The following PCDHGA5 variants were observed in gnomAD, a reference collection of about 807,000 sequenced individuals.
PCDHGA5 encodes protocadherin gamma-A5.
A neutral mutation model predicts 56.7 loss-of-function variants in PCDHGA5; 36 were observed. The ratio of observed to expected loss-of-function variants is 0.64; its 90% CI spans 0.49 to 0.84. The LOEUF (loss-of-function observed/expected upper bound fraction) is 0.84, where lower values mean the gene tolerates loss of function less well. Ranked by LOEUF, PCDHGA5 falls within the 40% of genes least tolerant of loss-of-function variation. The probability of loss-of-function intolerance (pLI) is 0.00; values close to 1 mark genes in which losing one functional copy is unlikely to be tolerated. For missense variants in PCDHGA5, 1,305 were observed against 1,201.5 expected (o/e 1.09, Z -1.27); for synonymous variants, 563 against 520.2 (o/e 1.08, Z -1.12).
chr5:141,374,934 T>C (rs1296373171), intron 1 of PCDHGA5: 2 of 1,614,038 alleles, frequency 1.2e-6, no homozygotes, highest in Admixed American at 1.7e-5. Context: ...TTTGTGAAGA[T>C]TACAGAAAAG....
At chr5:141,392,238 A>G (rs1412628236) in intron 1 of PCDHGA5, 1 of 152,214 alleles carries the variant, frequency 6.6e-6, no homozygotes, top group Admixed American at 6.5e-5. Context: ...GTTCTTAGTT[A>G]TTTGTTAGTA....
intron 1 of PCDHGA5, chr5:141,367,157 T>G (rs2149904329): frequency 6.2e-6 from 1 of 161,546 alleles, no homozygotes; most frequent in East Asian, 1.8e-4. Flanking sequence ...GGACTGATAT[T>G]TTAGTCTACC....
intron 2 of PCDHGA5, 57 bp downstream of exon 2, chr5:141,494,922 C>G: frequency 6.2e-7 from 1 of 1,613,670 alleles, no homozygotes; most frequent in Admixed American, 1.7e-5. Context: ...TCAGGGATGA[C>G]GTGGGAGGAG....
chr5:141,494,921 A>C (rs1345734925), intron 2 of PCDHGA5, 56 bp downstream of exon 2: 6 of 1,613,556 alleles, frequency 3.7e-6, no homozygotes, highest in Non-Finnish European at 5.1e-6. Flanking sequence ...CTCAGGGATG[A>C]CGTGGGAGGA....
intron 1 of PCDHGA5, chr5:141,377,502 A>G (rs1373807437): frequency 6.6e-6 from 1 of 152,050 alleles, no homozygotes. Flanking sequence ...AAGCTCTGAT[A>G]GGAGGATTGC....
intron 1 of PCDHGA5, among the ~76,000 whole-genome samples, chr5:141,444,646 G>T (rs1023259048): frequency 1.3e-5 from 2 of 152,098 alleles, no homozygotes; most frequent in Non-Finnish European, 2.9e-5. Flanking sequence ...TGAGGTAGGG[G>T]TTGAAGTTAT....
chr5:141,395,558 G>C (rs60237573), intron 1 of PCDHGA5: 1 of 127,872 alleles, frequency 7.8e-6, no homozygotes, highest in Non-Finnish European at 1.4e-5. Flanking sequence ...GTGTGTGTGT[G>C]TGTGTGTGTG....
chr5:141,396,923 G>A (rs6886638), intron 1 of PCDHGA5, among the ~76,000 whole-genome samples: 45,883 of 152,076 alleles, frequency 0.3, 8,183 homozygotes, highest in African/African-American at 0.5. Context: ...TTAAAAACTC[G>A]GATGAAAGTT....
At chr5:141,509,040 C>G (rs1217864661) in intron 3 of PCDHGA5, among the ~76,000 whole-genome samples, 1 of 152,132 alleles carries the variant, frequency 6.6e-6, no homozygotes, top group Non-Finnish European at 1.5e-5. Context: ...CAACCCCTCT[C>G]CCCCGCCCCC....
At chr5:141,399,837 C>T in intron 1 of PCDHGA5, 4 of 1,613,130 alleles carry the variant, frequency 2.5e-6, no homozygotes, top group Non-Finnish European at 3.4e-6. Context: ...GCTCTGCGCT[C>T]TTCGATATGG....
chr5:141,394,536 G>C (rs2093028301), intron 1 of PCDHGA5: 2 of 1,614,070 alleles, frequency 1.2e-6, no homozygotes. Flanking sequence ...TTCCACTGGC[G>C]TGGAGCTGGC....
At chr5:141,371,831 C>T (rs374832321) in intron 1 of PCDHGA5, 1 of 1,613,770 alleles carries the variant, frequency 6.2e-7, no homozygotes, top group Non-Finnish European at 8.5e-7. Context: ...CCTCGGATCC[C>T]GACTTGGGAC....
chr5:141,410,766 AG>A, intron 1 of PCDHGA5: 1 of 1,032,268 alleles, frequency 9.7e-7, no homozygotes, highest in Non-Finnish European at 1.3e-6. Context: ...TTTCAATTAT[AG>A]TTTTCACTAT....
chr5:141,490,869 A>G lies in PCDHGA5; in HGVS notation c.2422-3938A>G, dbSNP rs764138126. ...GGGTTCGAGACTCCGGCTCTCCCCCATTGCATGCCAACACATCTCTGCATG... is the reference window on the plus strand; with the variant it reads ...GGGTTCGAGACTCCGGCTCTCCCCCGTTGCATGCCAACACATCTCTGCATG... On this transcript the variant is annotated intron_variant, in intron 1 of 3. Transcript: ENST00000518069. This position sits in a 1 kb window ranked among gnomAD's most constrained non-coding sequence, Gnocchi z 5.4. 4.3e-6 allele frequency: 7 copies of G among 1,613,784 alleles called. No homozygotes were observed. The highest frequency in any genetic ancestry group is 1.7e-5 in the Admixed American group (1 of 60,004).
chr5:141,472,324 G>A (rs1027842697), intron 1 of PCDHGA5, among the ~76,000 whole-genome samples: 2 of 150,650 alleles, frequency 1.3e-5, no homozygotes, highest in African/African-American at 2.4e-5. Flanking sequence ...GGCAGATCAC[G>A]AGGTTGGGAG....
In PCDHGA5 at chr5:141,392,992, C is replaced by A. The variant is rs1233401263; in HGVS notation, c.2421+26241C>A. ...CTGGGGCTGGACCCCCGGAAGCTGG[C>A]GAAGCACGGAGTCCGTATCGTCTCC... is the stretch of plus-strand genomic sequence containing the variant. On this transcript the variant is annotated intron_variant, in intron 1 of 3. Transcript: ENST00000518069. 5 of 1,613,818 alleles carry A rather than the reference C, an allele frequency of 3.1e-6. No homozygotes were observed. The Admixed American group carries it at 5.0e-5, about 16-fold the overall frequency.
chr5:141,383,412 G>C (rs1417112594), intron 1 of PCDHGA5: 3 of 1,613,874 alleles, frequency 1.9e-6, no homozygotes, highest in East Asian at 2.2e-5. Context: ...AGAGTTACCA[G>C]CTCAGCCCCA....
chr5:141,394,749 G>A (rs1270810324), intron 1 of PCDHGA5: 2 of 1,613,424 alleles, frequency 1.2e-6, no homozygotes, highest in Non-Finnish European at 8.5e-7. Flanking sequence ...CGTGGTGGCC[G>A]TCCAGGACCA....
At chr5:141,461,966 G>A (rs2099027516) in intron 1 of PCDHGA5, among the ~76,000 whole-genome samples, 1 of 152,162 alleles carries the variant, frequency 6.6e-6, no homozygotes, top group African/African-American at 2.4e-5. Context: ...TGGGATTCCA[G>A]GCATATGCCA....
Sources: gnomAD v4.1 joint callset for allele counts (sites outside exome capture counted in the v4.1 genomes callset) on GRCh38, gnomAD v4.1.1 for gene constraint, Gnocchi (gnomAD v3.1) non-coding constraint, MANE v1.5 for transcripts, NCBI Gene and HGNC (gene_info 2026-07-23, HGNC 2026-07-21) for gene names.